Variants in PTGER4 observed in about 807,000 individuals in gnomAD.
PTGER4 encodes prostaglandin E receptor 4.
Under a neutral mutation model 33.2 loss-of-function variants are expected in PTGER4, and 11 were observed. That is an observed-to-expected ratio of 0.33 (90% confidence interval 0.21 to 0.55). The LOEUF is 0.55. Among genes scored for constraint, PTGER4 ranks in the 20% least tolerant of loss-of-function variants. The pLI is 0.92. For synonymous variants in PTGER4, 275 were observed against 281.5 expected, an observed-to-expected ratio of 0.98 and a Z score of 0.23; for missense variants, 481 against 650.2, an observed-to-expected ratio of 0.74 and a Z score of 2.83.
the PTGER4 span, among the ~76,000 whole-genome samples, chr5:40,703,902 C>CAAAAAAAAAAAAAAAA: frequency 8.1e-5 from 3 of 37,264 alleles, no homozygotes; most frequent in Non-Finnish European, 1.4e-4. Flanking sequence ...GACGCCGTCT[C>CAAAAAAAAAAAAAAAA]AAAAAAAAAA....
At chr5:40,714,179 C>T in the PTGER4 span, among the ~76,000 whole-genome samples, 1 of 152,120 alleles carries the variant, frequency 6.6e-6, no homozygotes, top group African/African-American at 2.4e-5. Context: ...AAGAAAAATC[C>T]CACTATCTCT....
At chr5:40,742,959 G>T in the PTGER4 span, among the ~76,000 whole-genome samples, 1 of 151,946 alleles carries the variant, frequency 6.6e-6, no homozygotes, top group Non-Finnish European at 1.5e-5. Flanking sequence ...TTTACTGAGG[G>T]CCTAGTAAGT....
Position 40,692,653 on chromosome 5 carries a change from T to C in PTGER4, c.*275T>C, listed in dbSNP as rs117347529. 2,128 of 1,149,736 alleles carry C rather than the reference T, an allele frequency of 1.9e-3. 62 individuals are homozygous for C. In the East Asian group the frequency reaches 0.058, roughly 31 times the overall value. 71.2% of individuals were successfully genotyped at this position (1,149,736 alleles called of 1,614,324 possible). A position where few individuals can be genotyped will look rare whatever the true frequency, so the allele number is the denominator to read the frequency against. On this transcript the variant is annotated 3_prime_UTR_variant, in exon 3 of 3. Coordinates refer to ENST00000302472, the MANE Select transcript of PTGER4 (RefSeq NM_000958.3). ...ACCTACCCTCCGTTTTTCTACTAGA[T>C]AGGAGGATGGTAGAAGTTTGGCTGC...
At chr5:40,714,389 A>G in the PTGER4 span, 1 of 152,196 alleles carries the variant, frequency 6.6e-6, no homozygotes, top group South Asian at 2.1e-4. Flanking sequence ...CTTTAAATAT[A>G]TTAAGTTCAT....
rs183073077 is a variant in PTGER4, at chr5:40,691,099, C to A, written c.868-680C>A. ...GCAGTGGCATCATCTCAGCTCACTG[C>A]AACCTCCACCCGCCGCATTCAAGCC... is the stretch of plus-strand genomic sequence containing the variant. On this transcript the variant is annotated intron_variant, in intron 2 of 2. Transcript: ENST00000302472. The surrounding 1 kb of genome is among the most constrained non-coding windows in gnomAD (Gnocchi z 4.2). 4.2e-4 allele frequency among the ~76,000 whole-genome samples: 64 copies of A among 152,358 alleles called. No homozygotes were observed. Among genetic ancestry groups the A allele is most frequent in the Non-Finnish European group, 7.2e-4 (49 of 68,022 alleles).
chr5:40,716,315 C>T, the PTGER4 span: 1 of 1,614,202 alleles, frequency 6.2e-7, no homozygotes, highest in African/African-American at 1.3e-5. Context: ...TCATCACTTT[C>T]AAAGTCATAG....
chr5:40,716,476 G>A, the PTGER4 span: 6 of 1,591,854 alleles, frequency 3.8e-6, no homozygotes, highest in Non-Finnish European at 5.1e-6. Flanking sequence ...GATGTGAAGG[G>A]CTACTTGAAA....
the PTGER4 span, chr5:40,728,348 G>A: frequency 3.8e-6 from 6 of 1,583,676 alleles, no homozygotes; most frequent in East Asian, 1.4e-4. Context: ...TCCTCACCAG[G>A]ATTATCTCTC....
At chr5:40,682,266 TC>T (rs1741217061) in intron 2 of PTGER4, among the ~76,000 whole-genome samples, 1 of 152,190 alleles carries the variant, frequency 6.6e-6, no homozygotes, top group South Asian at 2.1e-4. Context: ...ACCTGAAATG[TC>T]AGGGATGGTG....
At chr5:40,700,157 T>C in the PTGER4 span, among the ~76,000 whole-genome samples, 1 of 152,176 alleles carries the variant, frequency 6.6e-6, no homozygotes, top group East Asian at 1.9e-4. Flanking sequence ...GTTATCAAAA[T>C]TGGAAGATGA....
chr5:40,707,830 T>C, the PTGER4 span, among the ~76,000 whole-genome samples: 1 of 152,116 alleles, frequency 6.6e-6, no homozygotes, highest in African/African-American at 2.4e-5. Context: ...CAACAAACTG[T>C]CTCTCAGACC....
chr5:40,739,602 T>C, the PTGER4 span, among the ~76,000 whole-genome samples: 9 of 152,288 alleles, frequency 5.9e-5, no homozygotes, highest in Admixed American at 5.9e-4. Context: ...GCTCCAGCCA[T>C]GTGAAGTGCT....
the PTGER4 span, among the ~76,000 whole-genome samples, chr5:40,700,677 G>A: frequency 2.6e-5 from 4 of 152,168 alleles, no homozygotes; most frequent in African/African-American, 4.8e-5. Flanking sequence ...ACTCTATGAT[G>A]GGGAAGGAAC....
rs1741494337 is a variant in PTGER4 at position 40,692,295 on chromosome 5, A to G, written c.1384A>G (p.Arg462Gly). ...GGTGGATGAGGCTGGTGGGAGCGGC[A>G]GGGCTGGGCCTGCCCCTAAGGGGAG... ...LLVDEAGGSG[R>G]AGPAPKGSSL... The change falls in exon 3 of 3, where the codon AGG becomes GGG. Residue 462 changes from arginine to glycine, a missense_variant. Transcript: ENST00000302472. The G allele has an allele frequency of 6.2e-7, 1 of 1,613,860 alleles. No homozygotes were observed. The highest frequency in any genetic ancestry group is 8.5e-7 in the Non-Finnish European group (1 of 1,179,944).
chr5:40,710,511 CAG>C, the PTGER4 span, among the ~76,000 whole-genome samples: 15 of 152,348 alleles, frequency 9.8e-5, no homozygotes, highest in Admixed American at 5.2e-4. Context: ...TTGTGGAAGA[CAG>C]TGTGGCAATT....
the PTGER4 span, among the ~76,000 whole-genome samples, chr5:40,726,782 T>C: frequency 6.6e-6 from 1 of 152,124 alleles, no homozygotes; most frequent in African/African-American, 2.4e-5. Context: ...TCCATTACCA[T>C]AGACACTATT....
chr5:40,718,292 G>A, the PTGER4 span, among the ~76,000 whole-genome samples: 4 of 152,218 alleles, frequency 2.6e-5, no homozygotes, highest in African/African-American at 7.2e-5. Flanking sequence ...TGTAATCCCA[G>A]CTACTTAGGA....
chr5:40,705,537 C>T, the PTGER4 span, among the ~76,000 whole-genome samples: 1 of 152,140 alleles, frequency 6.6e-6, no homozygotes, highest in East Asian at 1.9e-4. Context: ...AGTAAATAGA[C>T]AACCTAAAGA....
At chr5:40,704,469 TG>T in the PTGER4 span, among the ~76,000 whole-genome samples, 1 of 152,126 alleles carries the variant, frequency 6.6e-6, no homozygotes, top group Non-Finnish European at 1.5e-5. Flanking sequence ...AACATAGTAT[TG>T]GAAGTCCAGG....
Sources: allele counts gnomAD v4.1 joint callset (sites outside exome capture counted in the v4.1 genomes callset), GRCh38; gene constraint gnomAD v4.1.1; non-coding constraint Gnocchi (gnomAD v3.1); transcripts MANE v1.5; gene names NCBI Gene and HGNC (gene_info 2026-07-23, HGNC 2026-07-21).